Variants in PKD1L1 observed in about 807,000 individuals in gnomAD.
PKD1L1 encodes the protein polycystin-1-like protein 1.
PKD1L1 carries 236 observed loss-of-function variants against 323.4 expected under a neutral mutation model. That is an observed-to-expected ratio of 0.73 (90% CI 0.66 to 0.81). PKD1L1 has a LOEUF of 0.81. Among genes scored for constraint, PKD1L1 ranks in the 40% least tolerant of loss-of-function variants. The pLI, the probability that PKD1L1 is intolerant of heterozygous loss-of-function variation, is 0.00. For missense variants in PKD1L1, 3,320 were observed against 3,508.0 expected, an observed-to-expected ratio of 0.95 and a Z score of 1.35; for synonymous variants, 1,344 against 1,335.0, an observed-to-expected ratio of 1.01 and a Z score of -0.15.
chr7:47,913,687 G>A (rs951813078), intron 8 of PKD1L1, among the ~76,000 whole-genome samples: 14 of 152,176 alleles, frequency 9.2e-5, no homozygotes, highest in Admixed American at 1.3e-4. Flanking sequence ...AGGCTTCCCC[G>A]GAAGCTGAGC....
At chr7:47,780,397 T>C (rs943933883) in intron 56 of PKD1L1, among the ~76,000 whole-genome samples, 5 of 152,106 alleles carry the variant, frequency 3.3e-5, no homozygotes, top group African/African-American at 1.2e-4. Context: ...TTTAGGAGGC[T>C]GAGGTGGGTG....
chr7:47,831,512 G>A (rs1057415732), intron 41 of PKD1L1, among the ~76,000 whole-genome samples, 160 bp from the exon 42 acceptor site: 12 of 152,216 alleles, frequency 7.9e-5, no homozygotes, highest in African/African-American at 2.7e-4. Flanking sequence ...GGTTGGGGGT[G>A]TTTCCAGGTG....
Position 47,796,276 on chromosome 7 carries a change from A to G in PKD1L1, c.8194-126T>C, listed in dbSNP as rs1376163084. On this transcript the variant is annotated intron_variant, in intron 54 of 56. Coordinates refer to ENST00000289672, the MANE Select transcript of PKD1L1 (RefSeq NM_138295.5). ...TGCTACTTTACGAGCTTTTGGTAAA[A>G]TAGTGATTTCTTGGTGAAAAAAAGC... 3.1e-6 allele frequency: 3 copies of G among 968,898 alleles called. No homozygotes were observed. In the African/African-American group the frequency reaches 5.0e-5, roughly 16 times the overall value. The allele number at this position is 968,898 out of a possible 1,614,324, so 60.0% of individuals were successfully genotyped here. A position where few individuals can be genotyped will look rare whatever the true frequency, so the allele number is the denominator to read the frequency against.
Position 47,929,370 on chromosome 7 carries a change from C to G in PKD1L1, c.894G>C (p.Leu298=). 2 of 1,614,162 alleles carry G rather than the reference C, an allele frequency of 1.2e-6. No homozygotes were observed. The highest frequency in any genetic ancestry group is 1.7e-6 in the Non-Finnish European group (2 of 1,180,032). The stretch of plus-strand genomic sequence containing the variant: ...TTGGAGGTGCCCGAGCTTCCACTTC[C>G]AGGGAGCAATTAAGAACAGGGTTCA... ...NFMNPVLNCS[L]EVEARAPPNL... is the part of the protein sequence containing the mutation. Residue 298 remains leucine (L), a synonymous_variant, in exon 7 of 57, where the codon CTG becomes CTC. Transcript: ENST00000289672.
intron 14 of PKD1L1, among the ~76,000 whole-genome samples, chr7:47,896,548 G>C (rs1349926454): frequency 6.6e-6 from 1 of 151,682 alleles, no homozygotes; most frequent in African/African-American, 2.4e-5. Flanking sequence ...TGTTTGGGGG[G>C]GACTTAGGAT....
chr7:47,845,672 C>T (rs932173526), intron 32 of PKD1L1, among the ~76,000 whole-genome samples: 2 of 152,198 alleles, frequency 1.3e-5, no homozygotes, highest in Admixed American at 6.5e-5. Flanking sequence ...TCACTGCAAC[C>T]TCTGCCTCCC....
intron 46 of PKD1L1, chr7:47,818,126 G>T: frequency 7.3e-7 from 1 of 1,367,806 alleles, no homozygotes; most frequent in Non-Finnish European, 9.8e-7. Context: ...GCACCCAGAG[G>T]GTGGAATGAA....
intron 56 of PKD1L1, among the ~76,000 whole-genome samples, chr7:47,791,318 C>T (rs572266821): frequency 1.6e-4 from 25 of 152,182 alleles, no homozygotes; most frequent in Middle Eastern, 3.4e-3. Context: ...ATATGTCATC[C>T]ATATAGTTTA....
intron 45 of PKD1L1, among the ~76,000 whole-genome samples, chr7:47,822,935 C>T: frequency 6.7e-6 from 1 of 148,812 alleles, no homozygotes; most frequent in South Asian, 2.1e-4. Context: ...GCTAAATTCA[C>T]TTATTAGTTC....
intron 26 of PKD1L1, among the ~76,000 whole-genome samples, chr7:47,862,355 G>C (rs1288495800): frequency 1.3e-5 from 2 of 152,154 alleles, no homozygotes; most frequent in African/African-American, 4.8e-5. Context: ...GGTTGTTGGA[G>C]TGGAGCAGCC....
intron 45 of PKD1L1, among the ~76,000 whole-genome samples, chr7:47,822,951 C>A (rs961560559): frequency 1.1e-4 from 16 of 140,398 alleles, no homozygotes; most frequent in Admixed American, 3.5e-4. Context: ...AGTTCCAGAA[C>A]CCTTTTTTTT....
intron 45 of PKD1L1, among the ~76,000 whole-genome samples, chr7:47,825,819 A>G (rs1490690910): frequency 6.6e-6 from 1 of 152,132 alleles, no homozygotes; most frequent in Non-Finnish European, 1.5e-5. Context: ...CTTGTATTAA[A>G]TCTCTGACTT....
intron 49 of PKD1L1, among the ~76,000 whole-genome samples, chr7:47,812,816 C>A (rs1784929553): frequency 6.6e-6 from 1 of 152,210 alleles, no homozygotes; most frequent in African/African-American, 2.4e-5. Flanking sequence ...CAGTAAACAC[C>A]CAGCTTGGCA....
intron 14 of PKD1L1, among the ~76,000 whole-genome samples, chr7:47,894,579 G>A (rs1026329871): frequency 2.6e-5 from 4 of 152,168 alleles, no homozygotes; most frequent in African/African-American, 7.2e-5. Context: ...GGCCAGGCGC[G>A]GTGGTTCATG....
Position 47,790,431 on chromosome 7 carries a change from C to T in PKD1L1, c.8526+2196G>A, listed in dbSNP as rs887045139. On this transcript the variant is annotated intron_variant, in intron 56 of 56. Coordinates refer to ENST00000289672, the MANE Select transcript of PKD1L1 (RefSeq NM_138295.5). ...CTGCAAGCTCTACCTCCTGGGTTCA[C>T]GCTATTCTCCTGCCTCAGCCTCCCG... is the stretch of plus-strand genomic sequence containing the variant. Among the ~76,000 whole-genome samples, 6 of 150,468 alleles carry T rather than the reference C, an allele frequency of 4.0e-5. 1 individual carries two copies. Among genetic ancestry groups the T allele is most frequent in the Admixed American group, 1.3e-4 (2 of 15,128 alleles).
intron 23 of PKD1L1, among the ~76,000 whole-genome samples, chr7:47,875,242 A>C (rs891129716): frequency 1.3e-5 from 2 of 152,242 alleles, no homozygotes; most frequent in African/African-American, 4.8e-5. Context: ...TGTATCTAGA[A>C]GAAGGTACAA....
intron 26 of PKD1L1, among the ~76,000 whole-genome samples, 175 bp from the exon 27 acceptor site, chr7:47,859,060 G>A (rs909276476): frequency 1.3e-5 from 2 of 152,198 alleles, no homozygotes; most frequent in African/African-American, 2.4e-5. Context: ...TTATTATAAG[G>A]AATTAAAATG....
intron 7 of PKD1L1, among the ~76,000 whole-genome samples, chr7:47,926,911 C>T (rs551538554): frequency 6.6e-6 from 1 of 152,330 alleles, no homozygotes; most frequent in South Asian, 2.1e-4. Context: ...GTAGAGAGAG[C>T]ACGCCCCATC....
At chr7:47,922,714 GCAGCCGCCCCGTCCGGC>G (rs61169131) in intron 7 of PKD1L1, among the ~76,000 whole-genome samples, 8,258 of 151,448 alleles carry the variant, frequency 0.055, 767 homozygotes, top group African/African-American at 0.19. Context: ...TCTCCGCCCG[GCAGCCGCCCCGTCCGGC>G]CAGCCGCCCC....
Sources: gnomAD v4.1 joint callset for allele counts (sites outside exome capture counted in the v4.1 genomes callset) on GRCh38, gnomAD v4.1.1 for gene constraint, MANE v1.5 for transcripts, NCBI Gene and HGNC (gene_info 2026-07-23, HGNC 2026-07-21) for gene names.